Variants in PABPC4L observed in about 807,000 individuals in gnomAD.
PABPC4L encodes poly(A) binding protein cytoplasmic 4 like, also known as polyadenylate-binding protein 4-like.
For missense variants in PABPC4L, 452 were observed against 451.4 expected (o/e 1.00, Z -0.01); for synonymous variants, 169 against 164.1 (o/e 1.03, Z -0.23).
At chr4:134,148,965 A>T in the PABPC4L span, among the ~76,000 whole-genome samples, 1 of 152,244 alleles carries the variant, frequency 6.6e-6, no homozygotes, top group East Asian at 1.9e-4. Context: ...TCAAAAAAGC[A>T]AAAATATTCT....
At chr4:134,151,255 T>C in the PABPC4L span, among the ~76,000 whole-genome samples, 1 of 152,150 alleles carries the variant, frequency 6.6e-6, no homozygotes, top group Admixed American at 6.5e-5. Context: ...ATACACTACA[T>C]ACTTTACTGT....
the PABPC4L span, among the ~76,000 whole-genome samples, chr4:134,157,136 G>A: frequency 6.6e-6 from 1 of 151,572 alleles, no homozygotes; most frequent in East Asian, 1.9e-4. Context: ...AAATAATGTA[G>A]TTTTATTTGT....
chr4:134,117,284 T>A, the PABPC4L span, among the ~76,000 whole-genome samples: 1 of 151,762 alleles, frequency 6.6e-6, no homozygotes, highest in African/African-American at 2.4e-5. Context: ...AGAGAAAAAG[T>A]AATTCTCTGT....
the PABPC4L span, among the ~76,000 whole-genome samples, chr4:134,099,607 T>C: frequency 0.21 from 31,703 of 151,574 alleles, 4,109 homozygotes; most frequent in Non-Finnish European, 0.27. Context: ...TTAAAAACTT[T>C]TAAAAAACAA....
chr4:133,956,900 G>A, the PABPC4L span, among the ~76,000 whole-genome samples: 1 of 152,182 alleles, frequency 6.6e-6, no homozygotes, highest in African/African-American at 2.4e-5. Flanking sequence ...AGAGCATGTG[G>A]GGTAACCACC....
chr4:134,200,210 C>T lies in PABPC4L; in HGVS notation c.810G>A (p.Glu270=). The change falls in exon 2 of 2, where the codon GAG becomes GAA. Residue 270 remains glutamate (E), a synonymous_variant. Coordinates refer to ENST00000421491, the MANE Select transcript of PABPC4L (RefSeq NM_001114734.2). ...IFVGRAQKKV[E]RQAELKQMFE... is the part of the protein sequence containing the mutation. ...ACATTTGCTTTAACTCAGCCTGTCG[C>T]TCGACTTTCTTTTGAGCCCGGCCTA... 1.3e-6 allele frequency: 2 copies of T among 1,551,728 alleles called. No homozygotes were observed. The highest frequency in any genetic ancestry group is 1.7e-6 in the Non-Finnish European group (2 of 1,147,010).
At position 134,199,891 on chromosome 4, in the gene PABPC4L, G is replaced by A. The variant is rs1450322540; in HGVS notation, c.*16C>T. 1 of 1,549,466 alleles carries A rather than the reference G, an allele frequency of 6.5e-7. No homozygotes were observed. The highest frequency in any genetic ancestry group is 2.0e-5 in the Admixed American group (1 of 50,298). On this transcript the variant is annotated 3_prime_UTR_variant, in exon 2 of 2. Coordinates refer to ENST00000421491, the MANE Select transcript of PABPC4L (RefSeq NM_001114734.2). Reference sequence around the variant, plus strand: ...ACCTGCTGCAGATACTAGCTGGAAAGGTACGTTTTTCTTTCCTAGTGTCTC... The same window carrying A: ...ACCTGCTGCAGATACTAGCTGGAAAAGTACGTTTTTCTTTCCTAGTGTCTC...
chr4:134,104,178 C>T, the PABPC4L span, among the ~76,000 whole-genome samples: 1 of 151,742 alleles, frequency 6.6e-6, no homozygotes, highest in East Asian at 1.9e-4. Context: ...ATGTGAATTT[C>T]TCTAGGCAGC....
At chr4:134,055,524 T>C in the PABPC4L span, among the ~76,000 whole-genome samples, 1 of 151,768 alleles carries the variant, frequency 6.6e-6, no homozygotes, top group African/African-American at 2.4e-5. Context: ...AATGAAAAAA[T>C]TTTTTTCTAT....
the PABPC4L span, among the ~76,000 whole-genome samples, chr4:134,082,632 G>T: frequency 6.6e-6 from 1 of 151,804 alleles, no homozygotes; most frequent in East Asian, 1.9e-4. Context: ...AAGCATAATC[G>T]ATGATCTCAT....
chr4:133,961,217 C>T, the PABPC4L span, among the ~76,000 whole-genome samples: 46,357 of 152,012 alleles, frequency 0.3, 10,894 homozygotes, highest in African/African-American at 0.62. Context: ...GAGAGACCCA[C>T]AGACAGTTCA....
the PABPC4L span, among the ~76,000 whole-genome samples, chr4:134,107,171 T>A: frequency 6.6e-6 from 1 of 151,238 alleles, no homozygotes; most frequent in Non-Finnish European, 1.5e-5. Context: ...TTACCTACAG[T>A]TACACAAAAT....
the PABPC4L span, among the ~76,000 whole-genome samples, chr4:133,981,661 A>G: frequency 6.6e-6 from 1 of 152,170 alleles, no homozygotes; most frequent in South Asian, 2.1e-4. Context: ...TTTGAAGCTG[A>G]AAAATACTTA....
At chr4:134,017,012 G>A in the PABPC4L span, among the ~76,000 whole-genome samples, 111 of 152,186 alleles carry the variant, frequency 7.3e-4, no homozygotes, top group Middle Eastern at 0.017. Context: ...AGGCCACCGC[G>A]GTCATTTCTT....
At chr4:134,142,420 T>C in the PABPC4L span, among the ~76,000 whole-genome samples, 8 of 151,616 alleles carry the variant, frequency 5.3e-5, no homozygotes, top group African/African-American at 1.9e-4. Flanking sequence ...CTGTGAAGAA[T>C]ATGCATAAAA....
the PABPC4L span, among the ~76,000 whole-genome samples, chr4:134,177,502 T>A: frequency 6.6e-6 from 1 of 152,038 alleles, no homozygotes; most frequent in Non-Finnish European, 1.5e-5. Flanking sequence ...GTGAACTCAG[T>A]TGGAGGGCAC....
the PABPC4L span, among the ~76,000 whole-genome samples, chr4:134,175,328 T>G: frequency 6.6e-6 from 1 of 152,130 alleles, no homozygotes; most frequent in Non-Finnish European, 1.5e-5. Flanking sequence ...TATGTCAGCC[T>G]CTGTAGATTT....
At chr4:134,164,262 CAAAAAAAAAAAA>C in the PABPC4L span, among the ~76,000 whole-genome samples, 723 of 34,222 alleles carry the variant, frequency 0.021, 17 homozygotes, top group African/African-American at 0.061. Flanking sequence ...GACTCCGTCT[CAAAAAAAAAAAA>C]AAAAAAAAAA....
chr4:133,970,579 G>A, the PABPC4L span, among the ~76,000 whole-genome samples: 2 of 152,032 alleles, frequency 1.3e-5, no homozygotes, highest in African/African-American at 4.8e-5. Flanking sequence ...GCATATCTGC[G>A]TGCATTTACA....
Sources: allele counts gnomAD v4.1 joint callset (sites outside exome capture counted in the v4.1 genomes callset), GRCh38; gene constraint gnomAD v4.1.1; transcripts MANE v1.5; gene names NCBI Gene and HGNC (gene_info 2026-07-23, HGNC 2026-07-21).